Variants in SLC25A21 observed in about 807,000 individuals in gnomAD.
SLC25A21 encodes mitochondrial 2-oxodicarboxylate carrier.
Under a neutral mutation model 43.8 loss-of-function variants are expected in SLC25A21, and 47 were observed. The ratio of observed to expected loss-of-function variants is 1.07; its 90% CI spans 0.85 to 1.37. SLC25A21 has a LOEUF of 1.37. SLC25A21 is among the 40% of genes most tolerant of loss of function. The pLI is 0.00. For missense variants in SLC25A21, 352 were observed against 350.2 expected (o/e 1.00, Z -0.04); for synonymous variants, 131 against 121.3 (o/e 1.08, Z -0.52).
At chr14:36,697,403 A>G (rs1883074650) in intron 7 of SLC25A21, among the ~76,000 whole-genome samples, 1 of 152,124 alleles carries the variant, frequency 6.6e-6, no homozygotes, top group Non-Finnish European at 1.5e-5. Context: ...TAGGATGGAG[A>G]GTTCTATAGA....
At chr14:37,008,871 C>G (rs1328165932) in intron 1 of SLC25A21, among the ~76,000 whole-genome samples, 1 of 152,208 alleles carries the variant, frequency 6.6e-6, no homozygotes, top group African/African-American at 2.4e-5. Context: ...TATTTTACTG[C>G]TTCCAATCCA....
At chr14:36,989,545 T>A (rs79343129) in intron 1 of SLC25A21, among the ~76,000 whole-genome samples, 1 of 152,152 alleles carries the variant, frequency 6.6e-6, no homozygotes, top group Non-Finnish European at 1.5e-5. Flanking sequence ...AGACAGCCTG[T>A]TAATGAACTT....
At chr14:36,999,691 CT>C (rs577972386) in intron 1 of SLC25A21, among the ~76,000 whole-genome samples, 94 of 151,304 alleles carry the variant, frequency 6.2e-4, no homozygotes, top group South Asian at 1.0e-3. Flanking sequence ...AAAGTAAAGT[CT>C]TTTTTTTTAA....
intron 1 of SLC25A21, among the ~76,000 whole-genome samples, chr14:37,083,305 G>A (rs1962423108): frequency 6.6e-6 from 1 of 152,122 alleles, no homozygotes; most frequent in Non-Finnish European, 1.5e-5. Context: ...CTATTCTAGG[G>A]TATGTAGTTG....
At chr14:37,083,348 C>T (rs981956415) in intron 1 of SLC25A21, among the ~76,000 whole-genome samples, 3 of 152,166 alleles carry the variant, frequency 2.0e-5, no homozygotes, top group African/African-American at 4.8e-5. Flanking sequence ...ATTTACAATG[C>T]AGTATCTGAA....
intron 1 of SLC25A21, among the ~76,000 whole-genome samples, chr14:37,059,594 GAAAC>G (rs1271793400): frequency 2.6e-5 from 4 of 152,012 alleles, no homozygotes; most frequent in Non-Finnish European, 4.4e-5. Context: ...AAGGTTAACC[GAAAC>G]AAACAAACAA....
At chr14:36,873,311 C>A (rs746174862) in intron 2 of SLC25A21, among the ~76,000 whole-genome samples, 3 of 151,674 alleles carry the variant, frequency 2.0e-5, no homozygotes, top group South Asian at 2.1e-4. Context: ...TTTATTTTTT[C>A]TTGAGATGGG....
intron 3 of SLC25A21, among the ~76,000 whole-genome samples, chr14:36,748,801 G>C (rs1455300570): frequency 6.6e-6 from 1 of 152,102 alleles, no homozygotes; most frequent in Non-Finnish European, 1.5e-5. Flanking sequence ...CCATCTCCAC[G>C]TGGATGTCTA....
intron 5 of SLC25A21, among the ~76,000 whole-genome samples, chr14:36,728,986 A>G (rs1459991335): frequency 6.6e-6 from 1 of 152,236 alleles, no homozygotes; most frequent in African/African-American, 2.4e-5. Flanking sequence ...ATTTTGTGTG[A>G]TACATGAGAT....
chr14:36,713,976 G>A (rs1884005007), intron 6 of SLC25A21, among the ~76,000 whole-genome samples: 1 of 151,996 alleles, frequency 6.6e-6, no homozygotes, highest in Admixed American at 6.5e-5. Flanking sequence ...ACAGGCTCCA[G>A]CCTGGATGAC....
At chr14:37,108,504 A>G (rs185845289) in intron 1 of SLC25A21, among the ~76,000 whole-genome samples, 30 of 152,340 alleles carry the variant, frequency 2.0e-4, no homozygotes, top group African/African-American at 6.7e-4. Flanking sequence ...AGAAAAATGA[A>G]CAGAATGAAA....
chr14:37,055,348 A>T (rs1961797559), intron 1 of SLC25A21, among the ~76,000 whole-genome samples: 1 of 152,326 alleles, frequency 6.6e-6, no homozygotes, highest in South Asian at 2.1e-4. Context: ...GCAGAAATGT[A>T]AATGCTTTGT....
chr14:36,783,521 G>C (rs1024458835), intron 3 of SLC25A21, among the ~76,000 whole-genome samples: 2 of 152,082 alleles, frequency 1.3e-5, no homozygotes, highest in Non-Finnish European at 2.9e-5. Context: ...AAAGAGGTTG[G>C]CCTCCTTGGC....
At chr14:37,085,156 T>C (rs140632489) in intron 1 of SLC25A21, among the ~76,000 whole-genome samples, 1 of 152,254 alleles carries the variant, frequency 6.6e-6, no homozygotes, top group African/African-American at 2.4e-5. Flanking sequence ...TGTTGCTCCT[T>C]ATTATTTAGA....
chr14:36,983,787 C>T (rs1034763109), intron 1 of SLC25A21, among the ~76,000 whole-genome samples: 1 of 152,010 alleles, frequency 6.6e-6, no homozygotes. Context: ...TATATATATA[C>T]ACAACGGAAT....
At chr14:36,741,330 G>C (rs1251060875) in intron 3 of SLC25A21, among the ~76,000 whole-genome samples, 1 of 152,170 alleles carries the variant, frequency 6.6e-6, no homozygotes, top group Non-Finnish European at 1.5e-5. Context: ...AAACAGTGTA[G>C]CTGCTTCACA....
chr14:37,158,530 A>G (rs1963887704), intron 1 of SLC25A21, among the ~76,000 whole-genome samples: 2 of 152,188 alleles, frequency 1.3e-5, no homozygotes, highest in Non-Finnish European at 2.9e-5. Context: ...AAAATTCACC[A>G]TACTTTCTTG....
chr14:37,142,544 G>A (rs1016474757), intron 1 of SLC25A21, among the ~76,000 whole-genome samples: 15 of 152,020 alleles, frequency 9.9e-5, no homozygotes, highest in Non-Finnish European at 1.3e-4. Context: ...ATTATTATTT[G>A]TAGAGACGAG....
intron 1 of SLC25A21, among the ~76,000 whole-genome samples, chr14:37,171,060 C>A (rs1025086597): frequency 5.0e-5 from 7 of 141,340 alleles, no homozygotes; most frequent in Non-Finnish European, 9.1e-5. Flanking sequence ...CAATCCAGCT[C>A]CGGTGCCTTC....
Sources: allele counts gnomAD v4.1 joint callset (sites outside exome capture counted in the v4.1 genomes callset), GRCh38; gene constraint gnomAD v4.1.1; transcripts MANE v1.5; gene names NCBI Gene and HGNC (gene_info 2026-07-23, HGNC 2026-07-21).